The following COL22A1 variants were observed in gnomAD, a reference collection of about 807,000 sequenced individuals.
The protein encoded by COL22A1 is collagen alpha-1(XXII) chain.
In COL22A1, 221 loss-of-function variants were observed where a neutral mutation model predicts 248.9. The ratio of observed to expected loss-of-function variants is 0.89; its 90% confidence interval spans 0.80 to 0.99. COL22A1 has a LOEUF of 0.99. Among genes scored for constraint, COL22A1 ranks in the 50% least tolerant of loss-of-function variants. COL22A1 has a pLI of 0.00. For synonymous variants in COL22A1, 891 were observed against 793.4 expected (o/e 1.12, Z -2.07); for missense variants, 2,240 against 2,179.0 (o/e 1.03, Z -0.56).
At chr8:138,646,343 C>A (rs933226647) in intron 47 of COL22A1, among the ~76,000 whole-genome samples, 3 of 152,192 alleles carry the variant, frequency 2.0e-5, no homozygotes, top group Admixed American at 6.5e-5. Context: ...AGGCGTCTGA[C>A]CACAAAACTC....
At chr8:138,651,083 A>G (rs1353224816) in intron 45 of COL22A1, among the ~76,000 whole-genome samples, 1 of 152,118 alleles carries the variant, frequency 6.6e-6, no homozygotes, top group African/African-American at 2.4e-5. Context: ...CCATCACAAA[A>G]GCATCTCTGA....
Position 138,623,824 on chromosome 8 carries a change from G to T in COL22A1, c.3718-39C>A, listed in dbSNP as rs188011247. 2,137 of 1,568,074 alleles carry T rather than the reference G, an allele frequency of 1.4e-3. 3 individuals carry two copies. Among genetic ancestry groups the T allele is most frequent in the Admixed American group, 2.0e-3 (108 of 54,694 alleles). On this transcript the variant is annotated intron_variant, in intron 51 of 64. Transcript: ENST00000303045. ...TCAAATTGGTTATCAGGTCAAAGAA[G>T]ATTCGAGGGGATGGAAAGACGAAGG...
rs1833056119 is a variant in COL22A1, at chr8:138,756,960, TCA to T, written c.1903-1133_1903-1132del. ...TTTCTTCATTGTACCTTCCTGTTTT[TCA>T]CACAGAGAAATCGAGTCCTGCCTCA... On this transcript the variant is annotated intron_variant, in intron 18 of 64. Transcript: ENST00000303045. Among the ~76,000 whole-genome samples the T allele has an allele frequency of 3.9e-5, 6 of 152,338 alleles. No homozygotes were observed. The South Asian group carries it at 1.2e-3, about 32-fold the overall frequency.
Position 138,737,700 on chromosome 8 carries a change from T to C in COL22A1, c.2086-123A>G, listed in dbSNP as rs1478908240. 4.5e-6 allele frequency: 3 copies of C among 671,206 alleles called. No homozygotes were observed. The African/African-American group carries it at 5.4e-5, about 12-fold the overall frequency. The allele number at this position is 671,206 out of a possible 1,614,324, so 41.6% of individuals were successfully genotyped here. ...TCTCAACCTCCCAGATTAACAATTG[T>C]CCCTCAGGAGTGCCCCACAGAGGAA... On this transcript the variant is annotated intron_variant, in intron 22 of 64. Coordinates refer to ENST00000303045, the MANE Select transcript of COL22A1 (RefSeq NM_152888.3).
chr8:138,865,036 A>G (rs977150645), intron 3 of COL22A1, among the ~76,000 whole-genome samples: 1 of 152,238 alleles, frequency 6.6e-6, no homozygotes, highest in Non-Finnish European at 1.5e-5. Context: ...AGATTGATGT[A>G]AATAAGAACC....
intron 11 of COL22A1, among the ~76,000 whole-genome samples, chr8:138,797,560 T>A (rs1205863371): frequency 6.6e-6 from 1 of 152,230 alleles, no homozygotes; most frequent in Non-Finnish European, 1.5e-5. Flanking sequence ...TGTGAAAGTT[T>A]TTGTGTAAAC....
chr8:138,642,602 A>G (rs4074064), intron 47 of COL22A1, among the ~76,000 whole-genome samples: 125,708 of 152,182 alleles, frequency 0.83, 53,535 homozygotes, highest in East Asian at 0.96. Context: ...GAAGCAAATT[A>G]TAAGGGAACA....
intron 61 of COL22A1, among the ~76,000 whole-genome samples, 166 bp from the exon 62 acceptor site, chr8:138,597,136 C>G (rs1439815312): frequency 6.6e-6 from 1 of 152,202 alleles, no homozygotes; most frequent in East Asian, 1.9e-4. Flanking sequence ...TTCCTCTCTT[C>G]TCTGTTATGC....
chr8:138,648,269 G>A lies in COL22A1; in HGVS notation c.3447+1396C>T, dbSNP rs187476544. On this transcript the variant is annotated intron_variant, in intron 46 of 64. Coordinates refer to ENST00000303045, the MANE Select transcript of COL22A1 (RefSeq NM_152888.3). ...GCCCACGAGTGTATGGAGAAATTTC[G>A]AGGACTGTGGCATGCCCACGGGGTC... Among the ~76,000 whole-genome samples the A allele has an allele frequency of 1.2e-4, 19 of 152,232 alleles. No homozygotes were observed. The East Asian group carries it at 3.5e-3, about 28-fold the overall frequency.
At chr8:138,797,785 G>T (rs1816677402) in intron 11 of COL22A1, among the ~76,000 whole-genome samples, 1 of 152,036 alleles carries the variant, frequency 6.6e-6, no homozygotes, top group Non-Finnish European at 1.5e-5. Flanking sequence ...AACTATTGTT[G>T]ATTGGTTTTT....
At chr8:138,645,108 C>G (rs968707188) in intron 47 of COL22A1, among the ~76,000 whole-genome samples, 1 of 152,194 alleles carries the variant, frequency 6.6e-6, no homozygotes, top group Non-Finnish European at 1.5e-5. Flanking sequence ...AGCATGTGCA[C>G]TTTGATTTTG....
chr8:138,632,407 T>G (rs182017141), intron 49 of COL22A1, among the ~76,000 whole-genome samples: 1 of 152,334 alleles, frequency 6.6e-6, no homozygotes, highest in East Asian at 1.9e-4. Flanking sequence ...AGAGAAATGC[T>G]AAGGGCTGTC....
chr8:138,805,000 G>A (rs1450364420), intron 10 of COL22A1, among the ~76,000 whole-genome samples: 1 of 136,448 alleles, frequency 7.3e-6, no homozygotes, highest in Non-Finnish European at 1.6e-5. Flanking sequence ...TGATGGTGTA[G>A]GCAATGGTGT....
intron 52 of COL22A1, 61 bp downstream of exon 52, chr8:138,623,671 G>C: frequency 7.0e-7 from 1 of 1,423,136 alleles, no homozygotes; most frequent in Non-Finnish European, 9.7e-7. Flanking sequence ...ACACAAAGTA[G>C]TTGTTTTTGA....
At chr8:138,819,957 G>A (rs1477366022) in intron 7 of COL22A1, among the ~76,000 whole-genome samples, 1 of 151,962 alleles carries the variant, frequency 6.6e-6, no homozygotes, top group African/African-American at 2.4e-5. Flanking sequence ...TAAGTAAAGT[G>A]CATGGAGATG....
intron 26 of COL22A1, among the ~76,000 whole-genome samples, chr8:138,721,573 C>T (rs570658108): frequency 6.6e-6 from 1 of 152,078 alleles, no homozygotes; most frequent in African/African-American, 2.4e-5. Context: ...AAAATAAATA[C>T]ATAAATAAAC....
At chr8:138,830,906 G>A (rs1819993951) in intron 5 of COL22A1, among the ~76,000 whole-genome samples, 1 of 152,196 alleles carries the variant, frequency 6.6e-6, no homozygotes. Context: ...CCCCCCACAT[G>A]AGCATGGGGC....
rs1404779055 is a variant in COL22A1, at chr8:138,844,968, A to G, written c.659-810T>C. On this transcript the variant is annotated intron_variant, in intron 3 of 64. Transcript: ENST00000303045. The stretch of plus-strand genomic sequence containing the variant: ...CCATCTCAAAAAAAAAAAAAAAAAA[A>G]GGAAAGCATGCACATATACATGAAA... Among the ~76,000 whole-genome samples, 9 of 150,854 alleles carry G rather than the reference A, an allele frequency of 6.0e-5. No individual in the cohort carries two copies. In the South Asian group the frequency reaches 8.3e-4, roughly 14 times the overall value.
At chr8:138,792,458 C>T in intron 12 of COL22A1, among the ~76,000 whole-genome samples, 1 of 152,234 alleles carries the variant, frequency 6.6e-6, no homozygotes, top group East Asian at 1.9e-4. Context: ...CTTCTTTCAA[C>T]TGGCTCCTTT....
Sources: gnomAD v4.1 joint callset for allele counts (sites outside exome capture counted in the v4.1 genomes callset) on GRCh38, gnomAD v4.1.1 for gene constraint, MANE v1.5 for transcripts, NCBI Gene and HGNC (gene_info 2026-07-23, HGNC 2026-07-21) for gene names.